EFCAB5: variants seen among roughly 807,000 people sequenced by gnomAD.
The protein encoded by EFCAB5 is EF-hand calcium binding domain 5, also known as EF-hand calcium-binding domain-containing protein 5.
EFCAB5 carries 131 observed loss-of-function variants against 167.9 expected under a neutral mutation model. The observed-to-expected ratio is 0.78, with a 90% confidence interval of 0.68 to 0.90. EFCAB5 has a LOEUF of 0.90. Ranked by LOEUF, EFCAB5 falls within the 40% of genes least tolerant of loss-of-function variation. The probability of loss-of-function intolerance (pLI) is 0.00; values close to 1 mark genes in which losing one functional copy is unlikely to be tolerated. For missense variants in EFCAB5, 1,663 were observed against 1,745.2 expected (o/e 0.95, Z 0.84); for synonymous variants, 574 against 602.8 (o/e 0.95, Z 0.70).
At chr17:30,055,847 G>A in intron 10 of EFCAB5, 41 bp from the exon 11 acceptor site, 1 of 1,586,204 alleles carries the variant, frequency 6.3e-7, no homozygotes, top group East Asian at 2.2e-5. Context: ...AATGGAATAT[G>A]TAATGTCTAA....
intron 14 of EFCAB5, among the ~76,000 whole-genome samples, chr17:30,062,579 T>C (rs998765233): frequency 5.9e-5 from 9 of 152,218 alleles, no homozygotes; most frequent in Admixed American, 5.2e-4. Flanking sequence ...GCCCTGACCC[T>C]TGTGGCCCGT....
At chr17:29,988,973 C>A (rs1478874080) in intron 4 of EFCAB5, among the ~76,000 whole-genome samples, 1 of 152,208 alleles carries the variant, frequency 6.6e-6, no homozygotes, top group Non-Finnish European at 1.5e-5. Context: ...AGCTGCAACT[C>A]TGCCTCAGCC....
chr17:30,061,226 C>G (rs528108426), intron 14 of EFCAB5, among the ~76,000 whole-genome samples: 1 of 152,098 alleles, frequency 6.6e-6, no homozygotes, highest in Non-Finnish European at 1.5e-5. Flanking sequence ...CAGGCTTATA[C>G]AAAACGACTC....
chr17:30,051,619 T>C (rs1410065276), intron 9 of EFCAB5, among the ~76,000 whole-genome samples: 1 of 152,162 alleles, frequency 6.6e-6, no homozygotes, highest in Non-Finnish European at 1.5e-5. Flanking sequence ...TGCAGTGGCA[T>C]GATCATGACT....
chr17:29,946,429 CTTTTTT>C (rs58247381), intron 3 of EFCAB5, among the ~76,000 whole-genome samples: 9 of 85,388 alleles, frequency 1.1e-4, no homozygotes, highest in African/African-American at 3.5e-4. Flanking sequence ...ATGGAAATTT[CTTTTTT>C]TTTTTTTTTT....
At chr17:29,982,078 G>A (rs903475354) in intron 4 of EFCAB5, among the ~76,000 whole-genome samples, 2 of 152,130 alleles carry the variant, frequency 1.3e-5, no homozygotes, top group Non-Finnish European at 2.9e-5. Context: ...TTTCATATAT[G>A]GATTTTTAAT....
chr17:30,068,539 A>G (rs1186870620), intron 14 of EFCAB5: 6 of 680,392 alleles, frequency 8.8e-6, no homozygotes, highest in Non-Finnish European at 1.2e-5. Flanking sequence ...ATGGATTGGA[A>G]GAATTAATAT....
At chr17:29,958,406 T>G (rs2067659186) in intron 3 of EFCAB5, among the ~76,000 whole-genome samples, 1 of 152,150 alleles carries the variant, frequency 6.6e-6, no homozygotes. Context: ...TTCTGCTTGA[T>G]CAATACTGCA....
chr17:29,930,290 C>T (rs2067169321), intron 1 of EFCAB5: 2 of 477,556 alleles, frequency 4.2e-6, no homozygotes, highest in East Asian at 7.5e-5. Flanking sequence ...GCGCGCGCCG[C>T]CGCCTGGTCG....
chr17:30,043,872 C>G (rs558472211), intron 8 of EFCAB5, among the ~76,000 whole-genome samples: 128 of 152,278 alleles, frequency 8.4e-4, no homozygotes, highest in Non-Finnish European at 1.5e-3. Context: ...AATTGACAAA[C>G]TATTCTGAAA....
intron 8 of EFCAB5, among the ~76,000 whole-genome samples, chr17:30,050,741 T>A (rs902127509): frequency 1.3e-5 from 2 of 152,154 alleles, no homozygotes; most frequent in African/African-American, 4.8e-5. Flanking sequence ...TTTTCTATAA[T>A]CAAAAAAATT....
At chr17:29,968,741 T>C in intron 3 of EFCAB5, 50 bp from the exon 4 acceptor site, 1 of 1,379,174 alleles carries the variant, frequency 7.3e-7, no homozygotes, top group South Asian at 1.7e-5. Flanking sequence ...GTCACATAGA[T>C]TAAAATTTAC....
At chr17:29,950,955 A>G (rs1428407462) in intron 3 of EFCAB5, among the ~76,000 whole-genome samples, 1 of 152,180 alleles carries the variant, frequency 6.6e-6, no homozygotes, top group East Asian at 1.9e-4. Flanking sequence ...TTCTTTTTAC[A>G]CTTATTTAAA....
intron 7 of EFCAB5, among the ~76,000 whole-genome samples, chr17:30,010,675 G>A (rs1467523970): frequency 1.3e-5 from 2 of 152,088 alleles, no homozygotes; most frequent in African/African-American, 4.8e-5. Flanking sequence ...TTGTAAATTT[G>A]TTTAAGTTTT....
chr17:29,993,399 T>C (rs897116699), intron 5 of EFCAB5, 78 bp downstream of exon 5: 1 of 1,395,802 alleles, frequency 7.2e-7, no homozygotes, highest in Non-Finnish European at 9.6e-7. Context: ...CTGAGTAGCA[T>C]ACTAGAAGCC....
intron 22 of EFCAB5, among the ~76,000 whole-genome samples, chr17:30,102,081 A>G (rs2071389512): frequency 6.6e-6 from 1 of 152,188 alleles, no homozygotes. Flanking sequence ...GCAAGAGGAC[A>G]GAGAACATGG....
chr17:29,930,114 G>C (rs1182056468), intron 1 of EFCAB5: 1 of 927,332 alleles, frequency 1.1e-6, no homozygotes, highest in Non-Finnish European at 1.6e-6. Flanking sequence ...AAGGGAACGG[G>C]GAGGAGGAGG....
chr17:29,944,656 G>A (rs1366155312), intron 3 of EFCAB5, among the ~76,000 whole-genome samples: 39 of 145,340 alleles, frequency 2.7e-4, no homozygotes, highest in Non-Finnish European at 1.0e-4. Flanking sequence ...GAAGTTTTGC[G>A]CTTGTTGCCC....
At position 30,043,203 on chromosome 17, in the gene EFCAB5, T is replaced by A. The variant is rs143531548; in HGVS notation, c.1201-7915T>A. On this transcript the variant is annotated intron_variant, in intron 8 of 22. Coordinates refer to ENST00000394835, the MANE Select transcript of EFCAB5 (RefSeq NM_198529.4). ...AGCTGTGACAAAATTCAACACTCAT[T>A]TCTGATACAAAAATTTTTTAAAAAA... is the stretch of plus-strand genomic sequence containing the variant. Among the ~76,000 whole-genome samples, 62 of 152,296 alleles carry A rather than the reference T, an allele frequency of 4.1e-4. 1 individual carries two copies. In the East Asian group the frequency reaches 8.1e-3, roughly 20 times the overall value.
Sources: allele counts gnomAD v4.1 joint callset (sites outside exome capture counted in the v4.1 genomes callset), GRCh38; gene constraint gnomAD v4.1.1; transcripts MANE v1.5; gene names NCBI Gene and HGNC (gene_info 2026-07-23, HGNC 2026-07-21).